PCGF3: variants seen among roughly 807,000 people sequenced by gnomAD.
The protein encoded by PCGF3 is polycomb group ring finger 3.
Under a neutral mutation model 33.1 loss-of-function variants are expected in PCGF3, and 7 were observed. The observed-to-expected ratio is 0.21, with a 90% CI of 0.12 to 0.40. PCGF3 has a LOEUF of 0.40. Ranked by LOEUF, PCGF3 falls within the 10% of genes least tolerant of loss-of-function variation. The probability of loss-of-function intolerance (pLI) is 1.00; values close to 1 mark genes in which losing one functional copy is unlikely to be tolerated. For synonymous variants in PCGF3, 153 were observed against 121.3 expected (o/e 1.26, Z -1.72); for missense variants, 211 against 313.3 (o/e 0.67, Z 2.46).
intron 6 of PCGF3, among the ~76,000 whole-genome samples, chr4:737,886 CAGA>C (rs1198866488): frequency 2.0e-5 from 3 of 152,236 alleles, no homozygotes; most frequent in Admixed American, 2.0e-4. Context: ...TTCCCCACAA[CAGA>C]GGAGCAGCAC....
chr4:706,882 G>C (rs1329134514), intron 1 of PCGF3, among the ~76,000 whole-genome samples: 3 of 134,706 alleles, frequency 2.2e-5, no homozygotes, highest in Admixed American at 2.2e-4. Flanking sequence ...AGCCCAGGCA[G>C]GACCCAGGGA....
At chr4:755,595 C>G (rs1012428880) in intron 8 of PCGF3, among the ~76,000 whole-genome samples, 4 of 152,142 alleles carry the variant, frequency 2.6e-5, no homozygotes, top group African/African-American at 7.2e-5. Flanking sequence ...AAATGTTTCC[C>G]CATTCTAAGG....
At chr4:761,156 T>A in intron 8 of PCGF3, 123 bp from the exon 9 acceptor site, 1 of 640,534 alleles carries the variant, frequency 1.6e-6, no homozygotes, top group East Asian at 3.2e-5. Flanking sequence ...TCAAAGCAGA[T>A]GTCTGATCTC....
In PCGF3 at chr4:723,000, G is replaced by T. The variant is rs1743174046; in HGVS notation, c.-189-7630G>T. 2.1e-5 allele frequency among the ~76,000 whole-genome samples: 3 copies of T among 143,058 alleles called. No homozygotes were observed. In the Admixed American group the frequency reaches 2.1e-4, roughly 10 times the overall value. The allele number at this position is 143,058 out of a possible 152,430, so 93.9% of individuals were successfully genotyped here. A position where few individuals can be genotyped will look rare whatever the true frequency, so the allele number is the denominator to read the frequency against. ...CTCAGTCATCGCCCGTCCGTGCCGGGTCCACATTCGCGTCATCGCCATCCA... is the reference window on the plus strand; with the variant it reads ...CTCAGTCATCGCCCGTCCGTGCCGGTTCCACATTCGCGTCATCGCCATCCA... On this transcript the variant is annotated intron_variant, in intron 1 of 10. Coordinates refer to ENST00000362003, the Ensembl canonical transcript of PCGF3.
chr4:719,564 C>T (rs954963060), intron 1 of PCGF3, among the ~76,000 whole-genome samples: 30 of 152,362 alleles, frequency 2.0e-4, no homozygotes, highest in African/African-American at 7.2e-4. Context: ...GTCTGTGGTG[C>T]AGCTGCAATG....
At chr4:761,859 A>T in intron 9 of PCGF3, 1 of 985,402 alleles carries the variant, frequency 1.0e-6, no homozygotes, top group Non-Finnish European at 1.2e-6. Flanking sequence ...GGTCCCTGTG[A>T]GCCCCCAAGG....
chr4:733,772 C>T (rs747677396), exon 4 of PCGF3: 3 of 1,613,678 alleles, frequency 1.9e-6, no homozygotes, highest in Non-Finnish European at 2.5e-6. Context: ...ACCACGGTGA[C>T]CGAGTGTCTG....
chr4:750,882 C>A (rs1034980940), intron 8 of PCGF3, among the ~76,000 whole-genome samples: 1 of 152,086 alleles, frequency 6.6e-6, no homozygotes, highest in Admixed American at 6.5e-5. Context: ...TCGCTCTAAC[C>A]CCCGATTCTC....
intron 6 of PCGF3, among the ~76,000 whole-genome samples, chr4:739,975 C>T (rs971192264): frequency 6.6e-6 from 1 of 152,218 alleles, no homozygotes; most frequent in African/African-American, 2.4e-5. Flanking sequence ...CTTGTTGTTT[C>T]TCAAGCTTTC....
chr4:763,859 C>T (rs1745206157), intron 9 of PCGF3, among the ~76,000 whole-genome samples: 1 of 152,214 alleles, frequency 6.6e-6, no homozygotes, highest in South Asian at 2.1e-4. Context: ...CCATACTGGA[C>T]TATTATCCAG....
intron 6 of PCGF3, among the ~76,000 whole-genome samples, chr4:743,131 G>A (rs1157919440): frequency 6.6e-6 from 1 of 152,230 alleles, no homozygotes; most frequent in Non-Finnish European, 1.5e-5. Context: ...ATCAACCCCT[G>A]GTGACGGGTG....
At chr4:736,525 C>T (rs552138569) in intron 5 of PCGF3, among the ~76,000 whole-genome samples, 6 of 139,030 alleles carry the variant, frequency 4.3e-5, no homozygotes, top group East Asian at 4.2e-4. Flanking sequence ...GTCCCCTGAG[C>T]GCATAGGATG....
chr4:743,530 G>T (rs1744185255), exon 7 of PCGF3: 1 of 1,613,706 alleles, frequency 6.2e-7, no homozygotes, highest in Non-Finnish European at 8.5e-7. Context: ...GGTGCCGGGA[G>T]ACATCAAGGG....
chr4:768,922 A>G (rs1745498283), exon 11 of PCGF3: 1 of 152,696 alleles, frequency 6.5e-6, no homozygotes, highest in Admixed American at 6.5e-5. Flanking sequence ...TTTATTAGAC[A>G]TCTGTTTAAA....
At chr4:710,437 C>T (rs1295739455) in intron 1 of PCGF3, among the ~76,000 whole-genome samples, 10 of 152,338 alleles carry the variant, frequency 6.6e-5, no homozygotes, top group South Asian at 2.1e-4. Flanking sequence ...GACTCCAAAA[C>T]GGTGAGCATA....
Position 720,886 on chromosome 4 carries a change from G to C in PCGF3, c.-189-9744G>C, listed in dbSNP as rs903030161. On this transcript the variant is annotated intron_variant, in intron 1 of 10. Transcript: ENST00000362003. This position sits in a 1 kb window ranked among gnomAD's most constrained non-coding sequence, Gnocchi z 5.6. ...GATACTGCTCAGACTTGTGTGGAGG[G>C]TGAATTAGTGCGAGGGCGGCTTGGA... 1.3e-5 allele frequency among the ~76,000 whole-genome samples: 2 copies of C among 152,194 alleles called. No homozygotes were observed. Among genetic ancestry groups the C allele is most frequent in the Non-Finnish European group, 2.9e-5 (2 of 68,030 alleles).
chr4:764,787 G>T (rs1204729680), intron 9 of PCGF3, 197 bp from the exon 10 acceptor site: 2 of 555,668 alleles, frequency 3.6e-6, no homozygotes, highest in South Asian at 2.1e-5. Flanking sequence ...GTTCAGCTGT[G>T]AGGTAGGGAC....
At chr4:743,573 C>T in exon 7 of PCGF3, 1 of 1,601,072 alleles carries the variant, frequency 6.2e-7, no homozygotes, top group Non-Finnish European at 8.6e-7. Context: ...CACTTAGATT[C>T]CCATCGGAAT....
chr4:760,368 C>G (rs552351907), intron 8 of PCGF3, among the ~76,000 whole-genome samples: 20 of 72,970 alleles, frequency 2.7e-4, no homozygotes, highest in Admixed American at 1.3e-3. Flanking sequence ...GTAACTTCCT[C>G]AAGTGAATTT....
Sources: gnomAD v4.1 joint callset for allele counts (sites outside exome capture counted in the v4.1 genomes callset) on GRCh38, gnomAD v4.1.1 for gene constraint, Gnocchi (gnomAD v3.1) non-coding constraint, MANE v1.5 for transcripts, NCBI Gene and HGNC (gene_info 2026-07-23, HGNC 2026-07-21) for gene names.